The following FREM2 variants were observed in gnomAD, a reference collection of about 807,000 sequenced individuals.
The protein encoded by FREM2 is FRAS1-related extracellular matrix protein 2.
A neutral mutation model predicts 219.9 loss-of-function variants in FREM2; 119 were observed. The observed-to-expected ratio is 0.54, with a 90% CI of 0.47 to 0.63. The LOEUF (loss-of-function observed/expected upper bound fraction) is 0.63, where lower values mean the gene tolerates loss of function less well. Ranked by LOEUF, FREM2 falls within the 30% of genes least tolerant of loss-of-function variation. The pLI, the probability that FREM2 is intolerant of heterozygous loss-of-function variation, is 0.00. For missense variants in FREM2, 4,030 were observed against 3,993.6 expected (o/e 1.01, Z -0.25); for synonymous variants, 1,562 against 1,522.8 (o/e 1.03, Z -0.60).
chr13:38,757,169 C>A (rs539280437), intron 2 of FREM2, among the ~76,000 whole-genome samples: 2 of 152,258 alleles, frequency 1.3e-5, no homozygotes, highest in South Asian at 4.1e-4. Context: ...TCTTTGGAAA[C>A]TTGTGTACAA....
chr13:38,770,323 A>C (rs943882832), intron 4 of FREM2, among the ~76,000 whole-genome samples: 2 of 151,632 alleles, frequency 1.3e-5, no homozygotes, highest in African/African-American at 4.8e-5. Flanking sequence ...CTCCCAAAGC[A>C]CTGGGATTAC....
At chr13:38,858,716 G>A (rs1028562916) in intron 13 of FREM2, among the ~76,000 whole-genome samples, 1 of 152,140 alleles carries the variant, frequency 6.6e-6, no homozygotes, top group Non-Finnish European at 1.5e-5. Flanking sequence ...TGGCGTCAAA[G>A]TATAGGGAGT....
intron 2 of FREM2, among the ~76,000 whole-genome samples, chr13:38,734,509 G>A (rs1871900319): frequency 6.6e-6 from 1 of 152,024 alleles, no homozygotes; most frequent in South Asian, 2.1e-4. Flanking sequence ...TTTGGACCTA[G>A]AACCTCTTTC....
At chr13:38,706,597 T>C (rs1007476399) in intron 2 of FREM2, among the ~76,000 whole-genome samples, 2 of 152,220 alleles carry the variant, frequency 1.3e-5, no homozygotes, top group African/African-American at 4.8e-5. Flanking sequence ...ATGTTGCTTA[T>C]GGAAACAATT....
chr13:38,773,869 T>C (rs1873768355), intron 4 of FREM2, among the ~76,000 whole-genome samples: 1 of 152,122 alleles, frequency 6.6e-6, no homozygotes, highest in Admixed American at 6.6e-5. Context: ...TGTTTATAAC[T>C]CTGTGATTTA....
rs1877888635 is a variant in FREM2 at position 38,864,565 on chromosome 13, C to T, written c.7942C>T (p.Leu2648Phe). The T allele has an allele frequency of 4.3e-6, 7 of 1,614,236 alleles. No individual in the cohort carries two copies. The highest frequency in any genetic ancestry group is 5.9e-6 in the Non-Finnish European group (7 of 1,180,030). Residue 2648 changes from leucine (L) to phenylalanine (F), a missense_variant, in exon 16 of 24, where the codon CTC becomes TTC. Physicochemically the swap from Leu to Phe is conservative, Grantham distance 22. Coordinates refer to ENST00000280481, the MANE Select transcript of FREM2 (RefSeq NM_207361.6). ...EFVSYYDMSELLADCGGTIGT... is the reference protein window; with the variant it reads ...EFVSYYDMSEFLADCGGTIGT... ...CGTTAGCTACTATGACATGTCAGAA[C>T]TCCTTGCTGACTGTGGTGGCACCAT...
At chr13:38,751,887 TG>T (rs1872787273) in intron 2 of FREM2, among the ~76,000 whole-genome samples, 9 of 150,820 alleles carry the variant, frequency 6.0e-5, no homozygotes, top group African/African-American at 1.9e-4. Flanking sequence ...TGTGTGTGTG[TG>T]TGTGTGTGTT....
chr13:38,766,151 G>A (rs1451262209), intron 3 of FREM2, among the ~76,000 whole-genome samples: 1 of 152,012 alleles, frequency 6.6e-6, no homozygotes, highest in East Asian at 1.9e-4. Flanking sequence ...ACAGGCCCCT[G>A]GATAACATTG....
At chr13:38,837,775 G>GTTTTTTTTTTTT (rs1555270912) in intron 6 of FREM2, among the ~76,000 whole-genome samples, 16 of 128,900 alleles carry the variant, frequency 1.2e-4, no homozygotes, top group South Asian at 7.7e-4. Flanking sequence ...GTTTTTTTTT[G>GTTTTTTTTTTTT]TTTTGTTTTG....
intron 3 of FREM2, 33 bp from the exon 4 acceptor site, chr13:38,769,545 A>G (rs1453740175): frequency 6.4e-7 from 1 of 1,553,026 alleles, no homozygotes; most frequent in Non-Finnish European, 8.9e-7. Flanking sequence ...AGCGAAAATG[A>G]AACTAAGAAA....
chr13:38,697,828 C>T (rs377208868), intron 2 of FREM2, 41 bp downstream of exon 2: 93 of 1,122,450 alleles, frequency 8.3e-5, no homozygotes, highest in South Asian at 2.8e-4. Flanking sequence ...CAAGGAGAGA[C>T]GCTTTTCTTG....
Position 38,762,347 on chromosome 13 carries a change from A to G in FREM2, c.5264-1957A>G, listed in dbSNP as rs116941538. 1.3e-3 allele frequency among the ~76,000 whole-genome samples: 192 copies of G among 152,262 alleles called. 5 individuals carry two copies. The East Asian group carries it at 0.035, about 28-fold the overall frequency. On this transcript the variant is annotated intron_variant, in intron 2 of 23. Transcript: ENST00000280481. The stretch of plus-strand genomic sequence containing the variant: ...GAACAGCACTCAGGGTGCAGCAGAC[A>G]TTGGGCATAGTAAGTTTAGTAAGTT...
intron 6 of FREM2, among the ~76,000 whole-genome samples, chr13:38,808,724 A>T (rs1164255816): frequency 6.6e-6 from 1 of 151,940 alleles, no homozygotes; most frequent in Non-Finnish European, 1.5e-5. Context: ...AACATCAAAG[A>T]TCACTGATCA....
chr13:38,700,271 A>G (rs1251154510), intron 2 of FREM2, among the ~76,000 whole-genome samples: 1 of 152,082 alleles, frequency 6.6e-6, no homozygotes, highest in Non-Finnish European at 1.5e-5. Flanking sequence ...TTCTTCTGTT[A>G]TGATGTAGTA....
chr13:38,833,413 TTA>T (rs1397804456), intron 6 of FREM2, among the ~76,000 whole-genome samples: 1 of 152,148 alleles, frequency 6.6e-6, no homozygotes, highest in Non-Finnish European at 1.5e-5. Flanking sequence ...CTATTCTTAG[TTA>T]TTTTTTATTC....
At chr13:38,776,840 G>A (rs4619269) in intron 4 of FREM2, among the ~76,000 whole-genome samples, 150,326 of 151,736 alleles carry the variant, frequency 0.99, 74,476 homozygotes, top group Middle Eastern at 1. Context: ...GTCATTTGCA[G>A]CCTTACCACT....
At chr13:38,815,835 C>A (rs182695448) in intron 6 of FREM2, among the ~76,000 whole-genome samples, 27 of 152,258 alleles carry the variant, frequency 1.8e-4, no homozygotes, top group African/African-American at 6.3e-4. Context: ...AACTCACTTA[C>A]ATCCACCAAG....
rs1407426929 is a variant in FREM2, at chr13:38,848,509, G to A, written c.6218G>A (p.Gly2073Glu). The A allele has an allele frequency of 3.1e-6, 5 of 1,614,016 alleles. No individual in the cohort carries two copies. In the South Asian group the frequency reaches 3.3e-5, roughly 11 times the overall value. Residue 2073 changes from glycine to glutamate, a missense_variant, in exon 8 of 24, where the codon GGA becomes GAA. Physicochemically the swap from Gly to Glu is moderately conservative, Grantham distance 98 (BLOSUM62 -2). Around this residue, in one of 2 missense-constraint regions of FREM2, gnomAD observed 3,102 missense variants for 2,950.7 expected, o/e 1.05. Transcript: ENST00000280481. ...GISRNLDFAP[G>E]VNMQPVRVVI... ...AGCCGTAATTTAGATTTTGCACCTG[G>A]AGTCAACATGCAGCCTGTTCGTGTT...
chr13:38,722,468 A>T (rs1256335551), intron 2 of FREM2, among the ~76,000 whole-genome samples: 1 of 152,082 alleles, frequency 6.6e-6, no homozygotes, highest in African/African-American at 2.4e-5. Context: ...CTGCCTAGAC[A>T]TCTGACCTCT....
Sources: gnomAD v4.1 joint callset for allele counts (sites outside exome capture counted in the v4.1 genomes callset) on GRCh38, gnomAD v4.1.1 for gene constraint, gnomAD v4.1.1 regional missense constraint, MANE v1.5 for transcripts, NCBI Gene and HGNC (gene_info 2026-07-23, HGNC 2026-07-21) for gene names.